SIPA1L1: variants seen among roughly 807,000 people sequenced by gnomAD.
The protein encoded by SIPA1L1 is signal induced proliferation associated 1 like 1, also known as signal-induced proliferation-associated 1-like protein 1.
SIPA1L1 carries 26 observed loss-of-function variants against 162.7 expected under a neutral mutation model. The observed-to-expected ratio is 0.16, with a 90% CI of 0.12 to 0.22. SIPA1L1 has a LOEUF of 0.22. Among genes scored for constraint, SIPA1L1 ranks in the 10% least tolerant of loss-of-function variants. The pLI is 1.00. For synonymous variants in SIPA1L1, 829 were observed against 837.4 expected, an observed-to-expected ratio of 0.99 and a Z score of 0.17; for missense variants, 1,874 against 2,241.0, an observed-to-expected ratio of 0.84 and a Z score of 3.31.
At chr14:71,330,652 T>C (rs926408279) in intron 2 of SIPA1L1, 2 of 885,908 alleles carry the variant, frequency 2.3e-6, no homozygotes, top group Admixed American at 3.4e-5. Flanking sequence ...CTCATTGTTG[T>C]AGTCTGGGTG....
rs541873910 is a variant in SIPA1L1, at chr14:71,551,012, C to T, written c.-303+21642C>T. On this transcript the variant is annotated intron_variant, in intron 4 of 23. Transcript: ENST00000381232. ...ACACTGGCACTTTTTACCTTGGACACGCTGTTTGTTCATATCCTAGGGTCT... is the reference window on the plus strand; with the variant it reads ...ACACTGGCACTTTTTACCTTGGACATGCTGTTTGTTCATATCCTAGGGTCT... Among the ~76,000 whole-genome samples the T allele has an allele frequency of 4.6e-5, 7 of 152,314 alleles. 1 individual carries two copies. In the South Asian group the frequency reaches 1.0e-3, roughly 23 times the overall value.
rs1303045118 is a variant in SIPA1L1 at position 71,484,672 on chromosome 14, C to T, written c.-464-28071C>T. Among the ~76,000 whole-genome samples, 9 of 152,000 alleles carry T rather than the reference C, an allele frequency of 5.9e-5. No homozygotes were observed. In the East Asian group the frequency reaches 1.7e-3, roughly 29 times the overall value. On this transcript the variant is annotated intron_variant, in intron 2 of 23. Transcript: ENST00000381232. ...TGGACGTGATACTCATTTTGCTATC[C>T]CAGAAAACTGATGTTTATGTAACAA...
chr14:71,594,772 TTA>T (rs2035837541), intron 5 of SIPA1L1, among the ~76,000 whole-genome samples: 1 of 152,226 alleles, frequency 6.6e-6, no homozygotes, highest in Non-Finnish European at 1.5e-5. Flanking sequence ...AACACTCTAT[TTA>T]TATATAATCT....
intron 2 of SIPA1L1, among the ~76,000 whole-genome samples, chr14:71,482,790 G>A (rs2142763004): frequency 6.6e-6 from 1 of 152,278 alleles, no homozygotes; most frequent in South Asian, 2.1e-4. Context: ...CCAAATTGAA[G>A]TGCTTTTAGC....
At chr14:71,512,011 A>G (rs543840984) in intron 2 of SIPA1L1, among the ~76,000 whole-genome samples, 32 of 152,238 alleles carry the variant, frequency 2.1e-4, no homozygotes, top group African/African-American at 6.7e-4. Context: ...GAACAGAAGT[A>G]CCTGTTTTCT....
chr14:71,686,647 G>A (rs565536046), intron 13 of SIPA1L1, among the ~76,000 whole-genome samples: 4 of 152,140 alleles, frequency 2.6e-5, no homozygotes, highest in South Asian at 2.1e-4. Flanking sequence ...AGGTTCAAGC[G>A]AGTCTCCTGT....
intron 4 of SIPA1L1, among the ~76,000 whole-genome samples, chr14:71,537,301 A>G (rs1475850488): frequency 2.0e-5 from 3 of 152,130 alleles, no homozygotes; most frequent in East Asian, 1.9e-4. Flanking sequence ...CTTGGGTTCA[A>G]ATGGTTCTCC....
At chr14:71,469,991 C>T (rs950497913) in intron 2 of SIPA1L1, among the ~76,000 whole-genome samples, 3 of 152,072 alleles carry the variant, frequency 2.0e-5, no homozygotes, top group African/African-American at 4.8e-5. Flanking sequence ...AGCATTAGTT[C>T]GGGTTGGGGC....
At chr14:71,676,306 A>T (rs1291930015) in intron 12 of SIPA1L1, among the ~76,000 whole-genome samples, 1 of 151,564 alleles carries the variant, frequency 6.6e-6, no homozygotes, top group Non-Finnish European at 1.5e-5. Flanking sequence ...AAATAAGAAT[A>T]AATAAATAAA....
intron 12 of SIPA1L1, among the ~76,000 whole-genome samples, chr14:71,682,803 T>C (rs1458613977): frequency 1.3e-5 from 2 of 152,242 alleles, no homozygotes; most frequent in Non-Finnish European, 2.9e-5. Context: ...TCTGTTACCA[T>C]TATCATTATT....
At position 71,621,196 on chromosome 14, in the gene SIPA1L1, G is replaced by A. The variant is rs1021036044; in HGVS notation, c.1629+2309G>A. 3.9e-5 allele frequency among the ~76,000 whole-genome samples: 6 copies of A among 152,250 alleles called. No individual in the cohort carries two copies. In the South Asian group the frequency reaches 1.0e-3, roughly 26 times the overall value. Reference sequence around the variant, plus strand: ...CTGTTCTCCCTGCTTCTATGCTGAAGCCCTGCCTCCTTTTGACCCAACAGG... The same window carrying A: ...CTGTTCTCCCTGCTTCTATGCTGAAACCCTGCCTCCTTTTGACCCAACAGG... On this transcript the variant is annotated intron_variant, in intron 6 of 23. Transcript: ENST00000381232.
At chr14:71,727,045 G>A (rs777772797) in intron 19 of SIPA1L1, among the ~76,000 whole-genome samples, 7 of 152,192 alleles carry the variant, frequency 4.6e-5, no homozygotes, top group African/African-American at 1.7e-4. Flanking sequence ...TGAGTGGCAG[G>A]GTCACTCCCA....
chr14:71,553,969 A>T (rs1019716733), intron 4 of SIPA1L1, among the ~76,000 whole-genome samples: 5 of 152,216 alleles, frequency 3.3e-5, no homozygotes, highest in Non-Finnish European at 5.9e-5. Context: ...CCAGGTACAG[A>T]CTTTGAACTT....
chr14:71,735,434 A>G (rs2085197802), intron 22 of SIPA1L1, 43 bp downstream of exon 22: 1 of 1,333,376 alleles, frequency 7.5e-7, no homozygotes, highest in Non-Finnish European at 1.1e-6. Flanking sequence ...CTTGTGTCAC[A>G]TCTGCCACTG....
chr14:71,543,784 A>C (rs1401562214), intron 4 of SIPA1L1, among the ~76,000 whole-genome samples: 1 of 147,822 alleles, frequency 6.8e-6, no homozygotes, highest in Non-Finnish European at 1.5e-5. Flanking sequence ...GCTGATTTGT[A>C]AGATTATATA....
At chr14:71,330,548 C>T (rs1474422749) in intron 2 of SIPA1L1, 1 of 1,420,442 alleles carries the variant, frequency 7.0e-7, no homozygotes, top group Non-Finnish European at 1.0e-6. Context: ...ATGAAGATGC[C>T]TAGCTGGGAG....
At chr14:71,528,381 G>A (rs537484651) in intron 3 of SIPA1L1, among the ~76,000 whole-genome samples, 4 of 152,230 alleles carry the variant, frequency 2.6e-5, no homozygotes, top group South Asian at 2.1e-4. Flanking sequence ...TCAGCTGGGC[G>A]CAGTATCTCA....
chr14:71,559,049 C>T (rs1009432814), intron 4 of SIPA1L1, among the ~76,000 whole-genome samples: 3 of 151,364 alleles, frequency 2.0e-5, no homozygotes, highest in Non-Finnish European at 4.4e-5. Flanking sequence ...TCTACTCAAT[C>T]GTAATTTCAG....
chr14:71,738,314 G>T lies in SIPA1L1; in HGVS notation c.5197G>T (p.Asp1733Tyr). 1 of 1,612,618 alleles carries T rather than the reference G, an allele frequency of 6.2e-7. No individual in the cohort carries two copies. The highest frequency in any genetic ancestry group is 8.5e-7 in the Non-Finnish European group (1 of 1,178,706). Residue 1733 changes from aspartate (D) to tyrosine (Y), a missense_variant, in exon 23 of 24, where the codon GAT (aspartate) becomes TAT (tyrosine). Coordinates refer to ENST00000381232, the MANE Select transcript of SIPA1L1 (RefSeq NM_001386936.1). ...AGGTATGCTGAAGATGCTTCGGGAA[G>T]ATTTGAAGAAGGTAAACATGTATTC... ...LEGMLKMLREDLKKEKEDKAH... is the reference protein window; with the variant it reads ...LEGMLKMLREYLKKEKEDKAH...
Sources: gnomAD v4.1 joint callset for allele counts (sites outside exome capture counted in the v4.1 genomes callset) on GRCh38, gnomAD v4.1.1 for gene constraint, MANE v1.5 for transcripts, NCBI Gene and HGNC (gene_info 2026-07-23, HGNC 2026-07-21) for gene names.